RYR3: variants seen among roughly 807,000 people sequenced by gnomAD.
The protein encoded by RYR3 is ryanodine receptor 3, also known as brain ryanodine receptor-calcium release channel.
A neutral mutation model predicts 584.3 loss-of-function variants in RYR3; 207 were observed. The ratio of observed to expected loss-of-function variants is 0.35; its 90% CI spans 0.32 to 0.40. RYR3 has a LOEUF of 0.40. RYR3 is among the 10% of genes least tolerant of loss of function. The pLI is 1.00. For missense variants in RYR3, 5,616 were observed against 6,089.2 expected, an observed-to-expected ratio of 0.92 and a Z score of 2.59; for synonymous variants, 2,416 against 2,248.5, an observed-to-expected ratio of 1.07 and a Z score of -2.11.
At chr15:33,339,888 CA>C (rs34401708) in intron 1 of RYR3, among the ~76,000 whole-genome samples, 31,702 of 135,332 alleles carry the variant, frequency 0.23, 3,710 homozygotes, top group African/African-American at 0.33. Flanking sequence ...GACTCCGTCT[CA>C]AAAAAAAAAA....
intron 2 of RYR3, among the ~76,000 whole-genome samples, chr15:33,491,919 T>C (rs749280637): frequency 1.3e-5 from 2 of 152,110 alleles, no homozygotes; most frequent in Non-Finnish European, 2.9e-5. Flanking sequence ...CAGGAAAGAT[T>C]TGGGGAGAAG....
At chr15:33,588,851 C>G (rs568837531) in intron 16 of RYR3, among the ~76,000 whole-genome samples, 3 of 152,040 alleles carry the variant, frequency 2.0e-5, no homozygotes, top group African/African-American at 4.8e-5. Flanking sequence ...ATTTTCTAAT[C>G]TTCCATTGAT....
intron 97 of RYR3, 138 bp downstream of exon 97, chr15:33,854,587 A>G (rs1348865463): frequency 1.9e-6 from 2 of 1,029,334 alleles, no homozygotes; most frequent in African/African-American, 1.6e-5. Context: ...CTGGGGGAAC[A>G]CTTATACAAT....
At chr15:33,365,692 A>G (rs1156625604) in intron 1 of RYR3, among the ~76,000 whole-genome samples, 1 of 152,246 alleles carries the variant, frequency 6.6e-6, no homozygotes, top group African/African-American at 2.4e-5. Flanking sequence ...CATGTTAAAT[A>G]TTCTTACTAT....
chr15:33,818,369 A>C (rs1283527266), intron 75 of RYR3, among the ~76,000 whole-genome samples: 1 of 152,238 alleles, frequency 6.6e-6, no homozygotes, highest in African/African-American at 2.4e-5. Context: ...GTAAAAATAA[A>C]AAATATACAA....
intron 1 of RYR3, among the ~76,000 whole-genome samples, chr15:33,463,193 T>C (rs1228867971): frequency 6.6e-6 from 1 of 151,876 alleles, no homozygotes; most frequent in African/African-American, 2.4e-5. Context: ...TTCAGAGCAA[T>C]GTTAGAACCA....
In RYR3 at chr15:33,725,976, C is replaced by CCGCCAAA. The variant is rs1555427643; in HGVS notation, c.6913-410_6913-409insCGCCAAA. On this transcript the variant is annotated intron_variant, in intron 45 of 103. Coordinates refer to ENST00000634891, the MANE Select transcript of RYR3 (RefSeq NM_001036.6). ...CAGAGCAAGACTCCATCCCCCCCCCCAAAAAAAAAAAAAAAAAAAAACAGA... is the reference window on the plus strand; with the variant it reads ...CAGAGCAAGACTCCATCCCCCCCCCCCGCCAAAAAAAAAAAAAAAAAAAAAAAACAGA... Among the ~76,000 whole-genome samples the CCGCCAAA allele has an allele frequency of 3.0e-3, 94 of 31,516 alleles. 17 individuals are homozygous for CCGCCAAA. The highest frequency in any genetic ancestry group is 0.011 in the South Asian group (8 of 712). 20.7% of individuals were successfully genotyped at this position (31,516 alleles called of 152,430 possible).
chr15:33,653,334 A>C (rs2062606521), intron 32 of RYR3, among the ~76,000 whole-genome samples: 1 of 152,186 alleles, frequency 6.6e-6, no homozygotes, highest in South Asian at 2.1e-4. Flanking sequence ...TTTTGCAAAA[A>C]GGTTATCCAC....
Position 33,662,343 on chromosome 15 carries a change from G to T in RYR3, c.4813G>T (p.Gly1605Cys), listed in dbSNP as rs2063216324. 1 of 1,612,614 alleles carries T rather than the reference G, an allele frequency of 6.2e-7. No homozygotes were observed. The highest frequency in any genetic ancestry group is 8.5e-7 in the Non-Finnish European group (1 of 1,179,364). ...NKYLPGLLRS[G>C]FYDLLISIHL... is the part of the protein sequence containing the mutation. ...GTACCTCCCCGGCCTCCTTCGATCT[G>T]GTTTCTATGACCTGCTCATCAGCAT... is the stretch of plus-strand genomic sequence containing the variant. The change falls in exon 35 of 104, where the codon GGT becomes TGT. Residue 1605 changes from glycine to cysteine, a missense_variant. This residue lies in a region of RYR3 where 753 missense variants were observed against 741.0 expected (regional missense o/e 1.02). Coordinates refer to ENST00000634891, the MANE Select transcript of RYR3 (RefSeq NM_001036.6).
intron 1 of RYR3, among the ~76,000 whole-genome samples, chr15:33,421,767 A>G (rs2044259359): frequency 6.6e-6 from 1 of 152,194 alleles, no homozygotes; most frequent in Non-Finnish European, 1.5e-5. Context: ...ATTTCCGATG[A>G]CTGGAAAATC....
chr15:33,339,161 C>G (rs772918080), intron 1 of RYR3, among the ~76,000 whole-genome samples: 3 of 152,222 alleles, frequency 2.0e-5, no homozygotes, highest in Non-Finnish European at 2.9e-5. Context: ...ACTGCACACT[C>G]GGACCCACAG....
chr15:33,438,012 G>T (rs894805290), intron 1 of RYR3, among the ~76,000 whole-genome samples: 1 of 152,054 alleles, frequency 6.6e-6, no homozygotes, highest in Non-Finnish European at 1.5e-5. Context: ...ATGATAAATT[G>T]TATATATTTA....
At chr15:33,800,668 T>G (rs2152930125) in intron 67 of RYR3, 102 bp from the exon 68 acceptor site, 1 of 771,890 alleles carries the variant, frequency 1.3e-6, no homozygotes, top group South Asian at 1.6e-5. Flanking sequence ...TGCAGTTTGA[T>G]CTGGATAAAT....
At chr15:33,663,394 G>T (rs367761320) in intron 35 of RYR3, 143 bp from the exon 36 acceptor site, 2 of 680,882 alleles carry the variant, frequency 2.9e-6, no homozygotes. Context: ...TCGACTTAAT[G>T]GTGAAGATTT....
At chr15:33,659,203 C>T (rs1316573436) in intron 32 of RYR3, among the ~76,000 whole-genome samples, 3 of 152,162 alleles carry the variant, frequency 2.0e-5, no homozygotes, top group Non-Finnish European at 4.4e-5. Flanking sequence ...CCTGAAATGT[C>T]GGCAGTGCCA....
chr15:33,706,468 T>C (rs1596256598), intron 42 of RYR3, among the ~76,000 whole-genome samples: 1 of 152,214 alleles, frequency 6.6e-6, no homozygotes, highest in East Asian at 1.9e-4. Context: ...AATTACCTCC[T>C]ATGAATGGAA....
In RYR3 at chr15:33,828,773, A is replaced by G. The variant is rs542496559; in HGVS notation, c.11334+1486A>G. Among the ~76,000 whole-genome samples, 12 of 152,370 alleles carry G rather than the reference A, an allele frequency of 7.9e-5. No individual in the cohort carries two copies. The South Asian group carries it at 2.5e-3, about 32-fold the overall frequency. On this transcript the variant is annotated intron_variant, in intron 85 of 103. Coordinates refer to ENST00000634891, the MANE Select transcript of RYR3 (RefSeq NM_001036.6). ...AAACAAAAGTGTAAGGTAAAGCAGC[A>G]AGTGCAGATATAGAAGCTGCAGCAA...
chr15:33,822,446 A>G (rs536060945), intron 80 of RYR3, among the ~76,000 whole-genome samples: 1 of 152,326 alleles, frequency 6.6e-6, no homozygotes, highest in African/African-American at 2.4e-5. Flanking sequence ...CCAATTTTTT[A>G]TTAAAAACTG....
intron 1 of RYR3, among the ~76,000 whole-genome samples, chr15:33,456,303 C>T (rs2047551480): frequency 6.6e-6 from 1 of 152,144 alleles, no homozygotes; most frequent in Non-Finnish European, 1.5e-5. Flanking sequence ...GAATTGATCG[C>T]GCAGAATGCC....
Sources: allele counts gnomAD v4.1 joint callset (sites outside exome capture counted in the v4.1 genomes callset), GRCh38; gene constraint gnomAD v4.1.1; regional missense constraint gnomAD v4.1.1; transcripts MANE v1.5; gene names NCBI Gene and HGNC (gene_info 2026-07-23, HGNC 2026-07-21).